Variants in UBE2B observed in about 807,000 individuals in gnomAD.
The protein encoded by UBE2B is ubiquitin conjugating enzyme E2 B.
A neutral mutation model predicts 24.6 loss-of-function variants in UBE2B; 11 were observed. The observed-to-expected ratio is 0.45, with a 90% CI of 0.28 to 0.74. The LOEUF (loss-of-function observed/expected upper bound fraction) is 0.74, where lower values mean the gene tolerates loss of function less well. Among genes scored for constraint, UBE2B ranks in the 30% least tolerant of loss-of-function variants. The probability of loss-of-function intolerance (pLI) is 0.13; values close to 1 mark genes in which losing one functional copy is unlikely to be tolerated. For synonymous variants in UBE2B, 68 were observed against 62.4 expected (o/e 1.09, Z -0.42); for missense variants, 78 against 185.6 (o/e 0.42, Z 3.37).
At chr5:134,388,478 C>G (rs1458251491) in intron 5 of UBE2B, 65 bp downstream of exon 5, 1 of 1,434,830 alleles carries the variant, frequency 7.0e-7, no homozygotes, top group Non-Finnish European at 9.8e-7. Flanking sequence ...AGCTCCTTAG[C>G]ACACAGGTAA....
intron 5 of UBE2B, 35 bp downstream of exon 5, chr5:134,388,448 G>A (rs199799601): frequency 1.2e-4 from 187 of 1,585,314 alleles, no homozygotes; most frequent in Non-Finnish European, 1.6e-4. Context: ...TAATTTGTCA[G>A]TATTCTGTAG....
intron 1 of UBE2B, 36 bp from the exon 2 acceptor site, chr5:134,374,347 T>C: frequency 1.3e-6 from 2 of 1,550,210 alleles, no homozygotes; most frequent in Non-Finnish European, 1.7e-6. Flanking sequence ...GTGGCCTTAA[T>C]GTTCAACTTT....
At chr5:134,377,011 C>T (rs904322870) in intron 3 of UBE2B, among the ~76,000 whole-genome samples, 1 of 152,124 alleles carries the variant, frequency 6.6e-6, no homozygotes, top group Non-Finnish European at 1.5e-5. Flanking sequence ...AAGAGTAAAT[C>T]ATGCTTTTTT....
intron 1 of UBE2B, among the ~76,000 whole-genome samples, chr5:134,371,845 C>T (rs1758442973): frequency 6.6e-6 from 1 of 152,210 alleles, no homozygotes; most frequent in African/African-American, 2.4e-5. Context: ...GATACTGCTT[C>T]CCCTCCCCAC....
chr5:134,382,859 G>C (rs886117230), intron 4 of UBE2B, among the ~76,000 whole-genome samples: 3 of 151,688 alleles, frequency 2.0e-5, no homozygotes, highest in Non-Finnish European at 4.4e-5. Flanking sequence ...AATATACTGT[G>C]AACATTTTCC....
At chr5:134,379,701 A>G (rs951548996) in intron 3 of UBE2B, among the ~76,000 whole-genome samples, 1 of 151,576 alleles carries the variant, frequency 6.6e-6, no homozygotes, top group African/African-American at 2.4e-5. Flanking sequence ...TTTCAAGTAC[A>G]TATTTGTGTG....
intron 2 of UBE2B, among the ~76,000 whole-genome samples, chr5:134,376,340 A>ATATATATATATATATATATATATATAT (rs1206993709): frequency 3.4e-4 from 2 of 5,924 alleles, no homozygotes; most frequent in Non-Finnish European, 5.1e-4. Context: ...AAAAAAAAAA[A>ATATATATATATATATATATATATATAT]AAAAAAAAAT....
intron 1 of UBE2B, 32 bp downstream of exon 1, chr5:134,371,671 C>T: frequency 6.2e-7 from 1 of 1,613,100 alleles, no homozygotes; most frequent in Admixed American, 1.7e-5. Flanking sequence ...TAGATGACGG[C>T]CCCTCAAAGC....
chr5:134,376,550 TC>T, intron 2 of UBE2B, 118 bp from the exon 3 acceptor site: 1 of 1,086,266 alleles, frequency 9.2e-7, no homozygotes, highest in South Asian at 1.3e-5. Flanking sequence ...ATCTTAAAAC[TC>T]CACAAATCAT....
chr5:134,388,047 G>T, intron 4 of UBE2B: 1 of 415,368 alleles, frequency 2.4e-6, no homozygotes, highest in Admixed American at 3.6e-5. Context: ...AAGCAATCCT[G>T]CCTGCCTCGG....
chr5:134,390,723 G>GT lies in UBE2B; in HGVS notation c.*376dup. On this transcript the variant is annotated 3_prime_UTR_variant, in exon 6 of 6. Transcript: ENST00000265339. This position sits in a 1 kb window ranked among gnomAD's most constrained non-coding sequence, Gnocchi z 4.6. ...TTTAAATTGGAGAAAAGCACTTAAA[G>GT]TTTTTTATATATGAATATTACATGT... 3.9e-6 allele frequency: 1 copy of GT among 254,960 alleles called. No homozygotes were observed. The highest frequency in any genetic ancestry group is 7.7e-6 in the Non-Finnish European group (1 of 129,878). The allele number at this position is 254,960 out of a possible 1,614,324, so 15.8% of individuals were successfully genotyped here.
intron 3 of UBE2B, among the ~76,000 whole-genome samples, chr5:134,380,253 G>T (rs1360897578): frequency 2.0e-5 from 3 of 151,952 alleles, no homozygotes; most frequent in Admixed American, 6.5e-5. Flanking sequence ...AAGTTTTTTT[G>T]TGTGTGTGAG....
chr5:134,376,763 A>G lies in UBE2B; in HGVS notation c.151+69A>G, dbSNP rs34413467. The G allele has an allele frequency of 1.3e-4, 191 of 1,463,094 alleles. No individual in the cohort carries two copies. The African/African-American group carries it at 1.5e-3, about 12-fold the overall frequency. 90.6% of individuals were successfully genotyped at this position (1,463,094 alleles called of 1,614,324 possible). A position where few individuals can be genotyped will look rare whatever the true frequency, so the allele number is the denominator to read the frequency against. On this transcript the variant is annotated intron_variant, in intron 3 of 5. Coordinates refer to ENST00000265339, the MANE Select transcript of UBE2B (RefSeq NM_003337.4). ...TTTTTAGTAGAAAATTGTAACACCA[A>G]CATATCTACTTGAAGCCATTTTCTA...
At chr5:134,386,102 A>G (rs1045944189) in intron 4 of UBE2B, among the ~76,000 whole-genome samples, 2 of 150,788 alleles carry the variant, frequency 1.3e-5, no homozygotes, top group Non-Finnish European at 3.0e-5. Flanking sequence ...CGAGGTGGGC[A>G]GATCACCTGA....
intron 2 of UBE2B, among the ~76,000 whole-genome samples, chr5:134,375,043 TA>T (rs1408044586): frequency 2.0e-5 from 3 of 152,244 alleles, no homozygotes; most frequent in Non-Finnish European, 4.4e-5. Flanking sequence ...GTTTTACTTT[TA>T]AAATACTATT....
At chr5:134,378,286 G>A (rs1254636901) in intron 3 of UBE2B, among the ~76,000 whole-genome samples, 1 of 151,382 alleles carries the variant, frequency 6.6e-6, no homozygotes, top group African/African-American at 2.4e-5. Context: ...TTTGTTTTTT[G>A]TCTCGCTCTC....
At chr5:134,377,000 G>A (rs1758620510) in intron 3 of UBE2B, among the ~76,000 whole-genome samples, 1 of 152,212 alleles carries the variant, frequency 6.6e-6, no homozygotes. Context: ...GTGAACACCA[G>A]AAGAGTAAAT....
At chr5:134,383,240 G>A (rs903710965) in intron 4 of UBE2B, among the ~76,000 whole-genome samples, 1 of 152,178 alleles carries the variant, frequency 6.6e-6, no homozygotes, top group Non-Finnish European at 1.5e-5. Context: ...TTTTTAACCA[G>A]TGTCCAATTG....
At chr5:134,380,545 G>A (rs1007540469) in intron 3 of UBE2B, among the ~76,000 whole-genome samples, 174 bp from the exon 4 acceptor site, 1 of 152,154 alleles carries the variant, frequency 6.6e-6, no homozygotes, top group Non-Finnish European at 1.5e-5. Flanking sequence ...TGCCAATGCT[G>A]CGTGTTACCA....
Sources: gnomAD v4.1 joint callset for allele counts (sites outside exome capture counted in the v4.1 genomes callset) on GRCh38, gnomAD v4.1.1 for gene constraint, Gnocchi (gnomAD v3.1) non-coding constraint, MANE v1.5 for transcripts, NCBI Gene and HGNC (gene_info 2026-07-23, HGNC 2026-07-21) for gene names.